The following USP12 variants were observed in gnomAD, a reference collection of about 807,000 sequenced individuals.
USP12 encodes ubiquitin carboxyl-terminal hydrolase 12.
In USP12, 19 loss-of-function variants were observed where a neutral mutation model predicts 45.5. The ratio of observed to expected loss-of-function variants is 0.42; its 90% CI spans 0.29 to 0.61. The LOEUF (loss-of-function observed/expected upper bound fraction) is 0.61. USP12 is among the 20% of genes least tolerant of loss of function. USP12 has a pLI of 0.22. For missense variants in USP12, 242 were observed against 447.7 expected (o/e 0.54, Z 4.15); for synonymous variants, 149 against 148.8 (o/e 1.00, Z -0.01).
At chr13:27,140,948 A>G (rs915911449) in intron 1 of USP12, among the ~76,000 whole-genome samples, 3 of 151,594 alleles carry the variant, frequency 2.0e-5, no homozygotes, top group African/African-American at 4.8e-5. Context: ...TTAAAAAGAT[A>G]GAAGATTCGA....
At chr13:27,070,396 T>C (rs1873191401) in intron 8 of USP12, among the ~76,000 whole-genome samples, 2 of 152,140 alleles carry the variant, frequency 1.3e-5, no homozygotes, top group Admixed American at 1.3e-4. Flanking sequence ...TAGTTACAAA[T>C]GTGAGTGTGT....
intron 7 of USP12, among the ~76,000 whole-genome samples, chr13:27,072,125 G>A (rs929979178): frequency 2.0e-5 from 3 of 151,680 alleles, no homozygotes; most frequent in Non-Finnish European, 4.4e-5. Flanking sequence ...TAACTATGGA[G>A]GATGACACAT....
At chr13:27,154,397 T>C (rs1047066423) in intron 1 of USP12, among the ~76,000 whole-genome samples, 2 of 152,232 alleles carry the variant, frequency 1.3e-5, no homozygotes, top group African/African-American at 4.8e-5. Context: ...CTAATTTTCC[T>C]GAATGTTCCA....
In USP12 at chr13:27,099,573, C is replaced by T. The variant is rs1874768230; in HGVS notation, c.344-3743G>A. Among the ~76,000 whole-genome samples the T allele has an allele frequency of 3.3e-5, 5 of 152,294 alleles. No individual in the cohort carries two copies. In the South Asian group the frequency reaches 1.0e-3, roughly 32 times the overall value. On this transcript the variant is annotated intron_variant, in intron 3 of 8. Coordinates refer to ENST00000282344, the MANE Select transcript of USP12 (RefSeq NM_182488.4). ...CCTCCCTTCACTTAACCCACTAAGT[C>T]TCCTTTCCTTCAGTTTCACACTGCA... is the stretch of plus-strand genomic sequence containing the variant.
chr13:27,146,218 A>G (rs893055850), intron 1 of USP12, among the ~76,000 whole-genome samples: 2 of 152,186 alleles, frequency 1.3e-5, no homozygotes, highest in African/African-American at 4.8e-5. Flanking sequence ...CCCAGCCAAC[A>G]TGGTGAAACC....
At chr13:27,097,298 T>C (rs1029677811) in intron 3 of USP12, among the ~76,000 whole-genome samples, 1 of 152,112 alleles carries the variant, frequency 6.6e-6, no homozygotes, top group African/African-American at 2.4e-5. Flanking sequence ...AAAGTCCGTC[T>C]CTACTAAATA....
intron 6 of USP12, among the ~76,000 whole-genome samples, chr13:27,088,060 A>C (rs934186357): frequency 6.6e-6 from 1 of 152,256 alleles, no homozygotes; most frequent in Non-Finnish European, 1.5e-5. Flanking sequence ...CAAATGTTCA[A>C]TAACAGCCAA....
At chr13:27,089,765 G>A in intron 6 of USP12, 118 bp downstream of exon 6, 8 of 908,782 alleles carry the variant, frequency 8.8e-6, no homozygotes, top group Non-Finnish European at 1.3e-5. Flanking sequence ...AACTGTTAGT[G>A]ATAGAATTAA....
At chr13:27,125,848 C>G (rs897778431) in intron 1 of USP12, among the ~76,000 whole-genome samples, 3 of 152,262 alleles carry the variant, frequency 2.0e-5, no homozygotes, top group Admixed American at 1.3e-4. Flanking sequence ...GAGCCTTGCT[C>G]GCTGCTAGCA....
intron 1 of USP12, chr13:27,170,419 G>A (rs1181479100): frequency 2.5e-6 from 1 of 398,188 alleles, no homozygotes; most frequent in African/African-American, 2.1e-5. Flanking sequence ...AATAGGGCCA[G>A]TGAGGCATGA....
chr13:27,160,401 C>T (rs1295659905), intron 1 of USP12, among the ~76,000 whole-genome samples: 2 of 150,898 alleles, frequency 1.3e-5, no homozygotes, highest in Non-Finnish European at 2.9e-5. Flanking sequence ...CAGGGTCCCC[C>T]GTGGAGGAGA....
chr13:27,132,461 G>C (rs1384868371), intron 1 of USP12, among the ~76,000 whole-genome samples: 12 of 152,084 alleles, frequency 7.9e-5, no homozygotes, highest in Admixed American at 7.2e-4. Flanking sequence ...AAAAGCAAAG[G>C]AACAGAAATA....
At chr13:27,141,911 TG>T (rs1294926971) in intron 1 of USP12, among the ~76,000 whole-genome samples, 2 of 152,112 alleles carry the variant, frequency 1.3e-5, no homozygotes, top group African/African-American at 4.8e-5. Flanking sequence ...AGGCTGGGCG[TG>T]GTAGCTCATG....
rs75569368 is a variant in USP12 at position 27,113,334 on chromosome 13, G to A, written c.129+3182C>T. Reference sequence around the variant, plus strand: ...AAAATAAAAATGTTGAAAAGGAACCGTTTTTGAAGAAGCACAACTTCTTCC... The same window carrying A: ...AAAATAAAAATGTTGAAAAGGAACCATTTTTGAAGAAGCACAACTTCTTCC... On this transcript the variant is annotated intron_variant, in intron 2 of 8. Coordinates refer to ENST00000282344, the MANE Select transcript of USP12 (RefSeq NM_182488.4). Among the ~76,000 whole-genome samples, 80 of 152,256 alleles carry A rather than the reference G, an allele frequency of 5.3e-4. No individual in the cohort carries two copies. In the East Asian group the frequency reaches 0.014, roughly 27 times the overall value.
At chr13:27,107,335 A>C (rs1308463761) in intron 2 of USP12, among the ~76,000 whole-genome samples, 1 of 152,166 alleles carries the variant, frequency 6.6e-6, no homozygotes, top group African/African-American at 2.4e-5. Context: ...AAAAACAAAC[A>C]AACAAAAAAA....
chr13:27,126,572 G>A (rs554385937), intron 1 of USP12, among the ~76,000 whole-genome samples: 1 of 152,258 alleles, frequency 6.6e-6, no homozygotes, highest in African/African-American at 2.4e-5. Flanking sequence ...AGGGGACTGG[G>A]TGACAGCCTT....
chr13:27,155,164 C>T (rs1446958011), intron 1 of USP12, among the ~76,000 whole-genome samples: 1 of 146,864 alleles, frequency 6.8e-6, no homozygotes, highest in East Asian at 2.0e-4. Flanking sequence ...TCATTGCAAC[C>T]TCCGCCTCCA....
intron 1 of USP12, among the ~76,000 whole-genome samples, chr13:27,119,775 G>A (rs888961227): frequency 1.3e-5 from 2 of 152,212 alleles, no homozygotes; most frequent in Admixed American, 6.5e-5. Flanking sequence ...CAGACTGACG[G>A]TAGCAGATCG....
intron 1 of USP12, among the ~76,000 whole-genome samples, chr13:27,153,107 T>C (rs1877657452): frequency 1.3e-5 from 2 of 152,198 alleles, no homozygotes; most frequent in East Asian, 1.9e-4. Context: ...TGAGGCAGGC[T>C]GATCACCTAA....
Sources: gnomAD v4.1 joint callset for allele counts (sites outside exome capture counted in the v4.1 genomes callset) on GRCh38, gnomAD v4.1.1 for gene constraint, MANE v1.5 for transcripts, NCBI Gene and HGNC (gene_info 2026-07-23, HGNC 2026-07-21) for gene names.